The following CCDC3 variants were observed in gnomAD, a reference collection of about 807,000 sequenced individuals.
The protein encoded by CCDC3 is coiled-coil domain containing 3.
A neutral mutation model predicts 21.4 loss-of-function variants in CCDC3; 24 were observed. That is an observed-to-expected ratio of 1.12 (90% CI 0.81 to 1.58). The LOEUF is 1.58. Ranked by LOEUF, CCDC3 falls within the 40% of genes most tolerant of loss-of-function variation. The pLI is 0.00. For synonymous variants in CCDC3, 186 were observed against 166.0 expected (o/e 1.12, Z -0.93); for missense variants, 425 against 360.9 (o/e 1.18, Z -1.44).
chr10:12,940,399 T>C (rs903427469), intron 2 of CCDC3, among the ~76,000 whole-genome samples: 4 of 152,164 alleles, frequency 2.6e-5, no homozygotes, highest in Admixed American at 1.3e-4. Flanking sequence ...TCAAAGTCTA[T>C]GGCCTCTTGA....
intron 2 of CCDC3, among the ~76,000 whole-genome samples, chr10:12,915,321 T>TTA (rs1491315483): frequency 6.6e-6 from 1 of 152,244 alleles, no homozygotes; most frequent in Admixed American, 6.5e-5. Context: ...GGATGGAATG[T>TTA]TATATATATG....
intron 2 of CCDC3, among the ~76,000 whole-genome samples, chr10:12,983,127 A>AATAT (rs1564308414): frequency 6.3e-5 from 3 of 47,858 alleles, no homozygotes; most frequent in Non-Finnish European, 1.3e-4. Flanking sequence ...TAAATAAAAT[A>AATAT]GTGTATATAT....
At chr10:12,995,019 T>C (rs1049935090) in intron 2 of CCDC3, among the ~76,000 whole-genome samples, 20 of 151,566 alleles carry the variant, frequency 1.3e-4, no homozygotes, top group East Asian at 5.8e-4. Flanking sequence ...GAAGTGGGGA[T>C]TGCAGTGAGC....
intron 2 of CCDC3, among the ~76,000 whole-genome samples, chr10:12,961,106 A>G (rs1307279379): frequency 6.6e-6 from 1 of 152,132 alleles, no homozygotes; most frequent in African/African-American, 2.4e-5. Context: ...CCTTCCAGAA[A>G]CATCTCTGTG....
chr10:12,993,702 C>CG (rs1235418332), intron 2 of CCDC3, among the ~76,000 whole-genome samples: 3 of 152,168 alleles, frequency 2.0e-5, no homozygotes, highest in Non-Finnish European at 4.4e-5. Context: ...AGATATCCCC[C>CG]CAAGTCCTAT....
At chr10:12,941,045 C>A (rs541659873) in intron 2 of CCDC3, among the ~76,000 whole-genome samples, 1 of 152,172 alleles carries the variant, frequency 6.6e-6, no homozygotes, top group South Asian at 2.1e-4. Context: ...GGGCTGCATT[C>A]CCAGACAATT....
intron 5 of CCDC3, among the ~76,000 whole-genome samples, chr10:13,020,220 T>C (rs1836127070): frequency 6.6e-6 from 1 of 152,130 alleles, no homozygotes; most frequent in Non-Finnish European, 1.5e-5. Flanking sequence ...GAGGCATGAG[T>C]GGCGATGGTT....
intron 2 of CCDC3, among the ~76,000 whole-genome samples, chr10:12,940,226 ATTGTTTT>A (rs1351809426): frequency 4.7e-5 from 5 of 107,002 alleles, no homozygotes; most frequent in Admixed American, 1.2e-4. Flanking sequence ...AATCATTGAA[ATTGTTTT>A]TTTTTTTTTT....
At position 13,082,712 on chromosome 10, in the gene CCDC3, G is replaced by A. The variant is rs958128155; in HGVS notation, c.-502-8612C>T. Among the ~76,000 whole-genome samples, 11 of 152,324 alleles carry A rather than the reference G, an allele frequency of 7.2e-5. 1 individual carries two copies. In the South Asian group the frequency reaches 2.1e-3, roughly 29 times the overall value. On this transcript the variant is annotated intron_variant, in intron 3 of 6. Transcript: ENST00000378839. ...ACTGGTGTTACCGCTAGACCAAGGA[G>A]CCCTCTAGTGGCCCTATCCGGGCGT...
In CCDC3 at chr10:12,961,324, C is replaced by A. The variant is rs1293363715; in HGVS notation, c.549+37014G>T. Among the ~76,000 whole-genome samples the A allele has an allele frequency of 2.0e-5, 3 of 152,168 alleles. No homozygotes were observed. In the East Asian group the frequency reaches 5.8e-4, roughly 29 times the overall value. On this transcript the variant is annotated intron_variant, in intron 2 of 2. Transcript: ENST00000378825. ...GCCAAGTGGCCGCTACCTACTAAAT[C>A]CACTCTTGCCAAAAATATGTCAGGA... is the stretch of plus-strand genomic sequence containing the variant.
chr10:12,945,080 A>G (rs11593289), intron 2 of CCDC3, among the ~76,000 whole-genome samples: 32,608 of 152,194 alleles, frequency 0.21, 4,404 homozygotes, highest in Non-Finnish European at 0.31. Flanking sequence ...ATCTGTTAGT[A>G]AACATGTTCT....
intron 2 of CCDC3, among the ~76,000 whole-genome samples, chr10:12,975,663 T>C (rs953075974): frequency 3.9e-5 from 6 of 152,184 alleles, no homozygotes; most frequent in African/African-American, 1.4e-4. Context: ...TAACAGTCAT[T>C]TTTCTGTTGC....
intron 4 of CCDC3, among the ~76,000 whole-genome samples, chr10:13,057,740 G>A (rs950954005): frequency 5.3e-5 from 8 of 151,984 alleles, no homozygotes; most frequent in Admixed American, 1.3e-4. Flanking sequence ...TTAGCTGGGC[G>A]TGGTGGTGGG....
At chr10:13,090,034 G>GATAGATAGATAGATAGATAGATAGAT (rs1259341208) in intron 3 of CCDC3, among the ~76,000 whole-genome samples, 4 of 129,150 alleles carry the variant, frequency 3.1e-5, no homozygotes, top group African/African-American at 1.2e-4. Context: ...TATTCCGTTA[G>GATAGATAGATAGATAGATAGATAGAT]ATATATATAT....
At chr10:13,069,256 C>CA (rs994963338) in intron 4 of CCDC3, among the ~76,000 whole-genome samples, 3 of 151,912 alleles carry the variant, frequency 2.0e-5, no homozygotes, top group Non-Finnish European at 4.4e-5. Flanking sequence ...AACTCTGCCT[C>CA]AAAAAAATAA....
intron 2 of CCDC3, among the ~76,000 whole-genome samples, chr10:12,927,157 AG>A (rs1834555900): frequency 1.3e-5 from 2 of 152,226 alleles, no homozygotes; most frequent in Non-Finnish European, 2.9e-5. Context: ...ACATAAAAGT[AG>A]AGAGATGAGT....
rs147917339 is a variant in CCDC3, at chr10:12,989,351, C to T, written c.549+8987G>A. The stretch of plus-strand genomic sequence containing the variant: ...CCACCACTGACTTAGTCCAGAGCAG[C>T]AGTTCCCCAAGTCTGCAGAATCCTA... On this transcript the variant is annotated intron_variant, in intron 2 of 2. Transcript: ENST00000378825. Among the ~76,000 whole-genome samples the T allele has an allele frequency of 8.2e-4, 125 of 152,358 alleles. 1 individual carries two copies. Among genetic ancestry groups the T allele is most frequent in the African/African-American group, 2.8e-3 (117 of 41,590 alleles).
intron 2 of CCDC3, among the ~76,000 whole-genome samples, chr10:12,953,334 C>T (rs573271087): frequency 7.2e-5 from 11 of 152,274 alleles, no homozygotes; most frequent in Admixed American, 2.6e-4. Flanking sequence ...TCACAACACA[C>T]GGGAATTCAA....
At chr10:13,093,349 G>A (rs1358741096) in intron 3 of CCDC3, among the ~76,000 whole-genome samples, 3 of 152,034 alleles carry the variant, frequency 2.0e-5, no homozygotes, top group African/African-American at 7.3e-5. Context: ...CATGAGAACA[G>A]TATGGAGGAA....
Sources: allele counts gnomAD v4.1 joint callset (sites outside exome capture counted in the v4.1 genomes callset), GRCh38; gene constraint gnomAD v4.1.1; transcripts MANE v1.5; gene names NCBI Gene and HGNC (gene_info 2026-07-23, HGNC 2026-07-21).